Variants in DSCAM observed in about 807,000 individuals in gnomAD.
DSCAM encodes cell adhesion molecule DSCAM.
DSCAM carries 47 observed loss-of-function variants against 217.7 expected under a neutral mutation model. The ratio of observed to expected loss-of-function variants is 0.22; its 90% CI spans 0.17 to 0.28. The LOEUF is 0.28. Among genes scored for constraint, DSCAM ranks in the 10% least tolerant of loss-of-function variants. The pLI, the probability that DSCAM is intolerant of heterozygous loss-of-function variation, is 1.00. For missense variants in DSCAM, 2,080 were observed against 2,618.3 expected (o/e 0.79, Z 4.49); for synonymous variants, 1,056 against 1,015.3 (o/e 1.04, Z -0.76).
chr21:40,520,410 CAA>C (rs2076349482), intron 3 of DSCAM, among the ~76,000 whole-genome samples: 2 of 152,210 alleles, frequency 1.3e-5, no homozygotes, highest in South Asian at 4.1e-4. Flanking sequence ...ATTTCAAAAT[CAA>C]AGATTGCTGT....
chr21:40,102,647 C>A lies in DSCAM; in HGVS notation c.3697-8773G>T, dbSNP rs575057283. 2.2e-4 allele frequency among the ~76,000 whole-genome samples: 34 copies of A among 152,208 alleles called. No individual in the cohort carries two copies. The East Asian group carries it at 6.0e-3, about 27-fold the overall frequency. On this transcript the variant is annotated intron_variant, in intron 20 of 32. Coordinates refer to ENST00000400454, the MANE Select transcript of DSCAM (RefSeq NM_001389.5). ...TTTTCATGTGTAAGATGCTTTTGACCAGTAAATAAGATATAATTAGCCACA... is the reference window on the plus strand; with the variant it reads ...TTTTCATGTGTAAGATGCTTTTGACAAGTAAATAAGATATAATTAGCCACA...
chr21:40,448,619 A>G (rs1226276003), intron 3 of DSCAM, among the ~76,000 whole-genome samples: 2 of 151,984 alleles, frequency 1.3e-5, no homozygotes, highest in East Asian at 3.9e-4. Context: ...TAAATCAATA[A>G]TATTTATCAT....
chr21:40,529,222 C>T (rs2076424537), intron 3 of DSCAM, among the ~76,000 whole-genome samples: 1 of 152,130 alleles, frequency 6.6e-6, no homozygotes, highest in Non-Finnish European at 1.5e-5. Context: ...AGCCCCTCCT[C>T]TTCCTCAAAG....
chr21:40,217,593 GACTGA>G (rs1445055503), intron 11 of DSCAM, among the ~76,000 whole-genome samples: 3 of 152,074 alleles, frequency 2.0e-5, no homozygotes, highest in Non-Finnish European at 2.9e-5. Flanking sequence ...CTTCCACAAT[GACTGA>G]ACTAATTTAC....
chr21:40,764,124 C>T (rs1242807539), intron 1 of DSCAM, among the ~76,000 whole-genome samples: 1 of 152,090 alleles, frequency 6.6e-6, no homozygotes, highest in Admixed American at 6.5e-5. Context: ...AGCTTCAGCT[C>T]AGCAAAAGAA....
chr21:40,194,951 T>C (rs8128592), intron 11 of DSCAM, among the ~76,000 whole-genome samples: 82,024 of 152,058 alleles, frequency 0.54, 24,141 homozygotes, highest in African/African-American at 0.79. Context: ...TTTACCAGAA[T>C]AATACTTAGG....
rs571161044 is a variant in DSCAM, at chr21:40,589,856, A to G, written c.508+102954T>C. 3.9e-5 allele frequency among the ~76,000 whole-genome samples: 6 copies of G among 152,324 alleles called. No homozygotes were observed. The East Asian group carries it at 9.7e-4, about 25-fold the overall frequency. On this transcript the variant is annotated intron_variant, in intron 3 of 32. Coordinates refer to ENST00000400454, the MANE Select transcript of DSCAM (RefSeq NM_001389.5). ...TTATTACACTGCTTTGTCCTCTGGTAGCTTATGTCTGGATAACATAGCCAA... is the reference window on the plus strand; with the variant it reads ...TTATTACACTGCTTTGTCCTCTGGTGGCTTATGTCTGGATAACATAGCCAA...
chr21:40,647,777 C>T (rs2089965128), intron 3 of DSCAM, among the ~76,000 whole-genome samples: 1 of 152,168 alleles, frequency 6.6e-6, no homozygotes, highest in East Asian at 1.9e-4. Context: ...AACCCTAGGA[C>T]CTTTCAACAT....
intron 9 of DSCAM, among the ~76,000 whole-genome samples, chr21:40,299,806 GTTTA>G (rs765963673): frequency 5.3e-5 from 8 of 151,996 alleles, no homozygotes; most frequent in Non-Finnish European, 1.0e-4. Context: ...GTAAGCAGCA[GTTTA>G]TTTTTTAAAA....
At chr21:40,606,575 T>C (rs545085830) in intron 3 of DSCAM, among the ~76,000 whole-genome samples, 1 of 152,310 alleles carries the variant, frequency 6.6e-6, no homozygotes, top group East Asian at 1.9e-4. Flanking sequence ...CCCCAAGTTT[T>C]ACCAAACGGG....
At chr21:40,319,988 G>A (rs1178379090) in intron 8 of DSCAM, among the ~76,000 whole-genome samples, 7 of 152,312 alleles carry the variant, frequency 4.6e-5, no homozygotes, top group African/African-American at 1.4e-4. Context: ...TTATAAGCGG[G>A]AGTTGAACAA....
At chr21:40,537,157 G>A (rs2837690) in intron 3 of DSCAM, among the ~76,000 whole-genome samples, 15,052 of 152,132 alleles carry the variant, frequency 0.099, 1,494 homozygotes, top group African/African-American at 0.25. Flanking sequence ...TTAGCATTGA[G>A]CACTTTGATT....
intron 3 of DSCAM, among the ~76,000 whole-genome samples, chr21:40,416,533 T>A (rs554914909): frequency 6.6e-6 from 1 of 152,140 alleles, no homozygotes; most frequent in Admixed American, 6.5e-5. Context: ...GACAAAGAGT[T>A]TGGAGACAAG....
In DSCAM at chr21:40,042,669, T is replaced by G. The variant is rs181977833; in HGVS notation, c.5388A>C (p.Arg1796=). 990 of 1,271,104 alleles carry G rather than the reference T, an allele frequency of 7.8e-4. 4 individuals are homozygous for G. In the South Asian group the frequency reaches 8.7e-3, roughly 11 times the overall value. 78.7% of individuals were successfully genotyped at this position (1,271,104 alleles called of 1,614,324 possible). ...YSVSPSQDTD[R]ARSSMVSTES... ...CTGTGGAGACCATGCTGCTTCTTGC[T>G]CGATCTACACCAGGAAAGAGAAAAA... is the stretch of plus-strand genomic sequence containing the variant. Residue 1796 remains arginine (R), a synonymous_variant, in exon 32 of 33, where the codon CGA becomes CGC. Coordinates refer to ENST00000400454, the MANE Select transcript of DSCAM (RefSeq NM_001389.5).
rs372415701 is a variant in DSCAM at position 40,605,925 on chromosome 21, C to T, written c.508+86885G>A. ...AAGCTATTCTTCTGCCTCAGCCTCC[C>T]GAGTAGCTGGGATTACAGGCATGTG... On this transcript the variant is annotated intron_variant, in intron 3 of 32. Transcript: ENST00000400454. Among the ~76,000 whole-genome samples the T allele has an allele frequency of 4.4e-4, 66 of 150,916 alleles. 1 individual carries two copies. Among genetic ancestry groups the T allele is most frequent in the Middle Eastern group, 3.5e-3 (1 of 288 alleles).
chr21:40,619,267 T>A (rs1257250211), intron 3 of DSCAM, among the ~76,000 whole-genome samples: 1 of 152,190 alleles, frequency 6.6e-6, no homozygotes, highest in Non-Finnish European at 1.5e-5. Context: ...ATATGTGATA[T>A]TTCTAAAATA....
intron 27 of DSCAM, 150 bp downstream of exon 27, chr21:40,074,887 A>G (rs1233533982): frequency 4.1e-6 from 3 of 737,318 alleles, no homozygotes; most frequent in Non-Finnish European, 6.4e-6. Context: ...GTCTCGCTGA[A>G]GGAATGTCAG....
intron 3 of DSCAM, among the ~76,000 whole-genome samples, chr21:40,616,574 A>G (rs2089397383): frequency 6.6e-6 from 1 of 152,114 alleles, no homozygotes; most frequent in Admixed American, 6.5e-5. Context: ...CCACAGGAAG[A>G]CTTTGGAGGC....
intron 7 of DSCAM, 94 bp downstream of exon 7, chr21:40,339,024 TG>T: frequency 6.8e-7 from 1 of 1,465,888 alleles, no homozygotes; most frequent in Non-Finnish European, 9.3e-7. Flanking sequence ...TAATCCGCTC[TG>T]GCATTCCAAG....
Sources: allele counts gnomAD v4.1 joint callset (sites outside exome capture counted in the v4.1 genomes callset), GRCh38; gene constraint gnomAD v4.1.1; transcripts MANE v1.5; gene names NCBI Gene and HGNC (gene_info 2026-07-23, HGNC 2026-07-21).